The following LRP5 variants were observed in gnomAD, a reference collection of about 807,000 sequenced individuals.
LRP5 encodes LDL receptor related protein 5.
In LRP5, 62 loss-of-function variants were observed where a neutral mutation model predicts 154.1. The ratio of observed to expected loss-of-function variants is 0.40; its 90% CI spans 0.33 to 0.50. The LOEUF (loss-of-function observed/expected upper bound fraction) is 0.50. Ranked by LOEUF, LRP5 falls within the 20% of genes least tolerant of loss-of-function variation. LRP5 has a pLI of 0.55. For missense variants in LRP5, 1,915 were observed against 2,336.7 expected (o/e 0.82, Z 3.72); for synonymous variants, 966 against 1,011.5 (o/e 0.96, Z 0.85).
intron 5 of LRP5, among the ~76,000 whole-genome samples, chr11:68,375,541 C>T (rs554856714): frequency 6.6e-5 from 10 of 152,320 alleles, no homozygotes; most frequent in Admixed American, 2.6e-4. Flanking sequence ...CTCCTGCACA[C>T]GGCTCCTCCG....
chr11:68,319,777 A>G (rs554705977), intron 1 of LRP5, among the ~76,000 whole-genome samples: 1 of 152,266 alleles, frequency 6.6e-6, no homozygotes, highest in Admixed American at 6.5e-5. Context: ...TGCTATTACA[A>G]AGCATGCTTG....
chr11:68,440,877 C>T (rs1785493), intron 21 of LRP5, among the ~76,000 whole-genome samples: 60,126 of 151,900 alleles, frequency 0.4, 13,181 homozygotes, highest in African/African-American at 0.58. Context: ...CAAGCAGTTC[C>T]CCTGCCTCAG....
In LRP5 at chr11:68,447,530, G is replaced by T. The variant is rs981998215; in HGVS notation, c.4586+997G>T. 1.6e-4 allele frequency among the ~76,000 whole-genome samples: 25 copies of T among 152,158 alleles called. No homozygotes were observed. Among genetic ancestry groups the T allele is most frequent in the Non-Finnish European group, 8.8e-5 (6 of 68,030 alleles). On this transcript the variant is annotated intron_variant, in intron 22 of 22. Coordinates refer to ENST00000294304, the MANE Select transcript of LRP5 (RefSeq NM_002335.4). The surrounding 1 kb of genome is among the most constrained non-coding windows in gnomAD (Gnocchi z 4.3). ...TCAAACTGTCACAGTCTGTCCCACA[G>T]CCTTACAGACCACTGTCTCCAGAAT...
chr11:68,446,603 C>A, intron 22 of LRP5, 70 bp downstream of exon 22: 1 of 1,319,832 alleles, frequency 7.6e-7, no homozygotes, highest in Admixed American at 1.7e-5. Context: ...GGCCTAATCC[C>A]CATGCCACTG....
chr11:68,433,744 G>T lies in LRP5; in HGVS notation c.3906G>T (p.Gln1302His), dbSNP rs780929844. The change falls in exon 18 of 23, where the codon CAG (glutamine) becomes CAT (histidine). Residue 1302 changes from glutamine (Q) to histidine (H), a missense_variant. This residue lies in a region of LRP5 where 1,094 missense variants were observed against 1,210.1 expected (regional missense o/e 0.90). Coordinates refer to ENST00000294304, the MANE Select transcript of LRP5 (RefSeq NM_002335.4). Reference sequence around the variant, plus strand: ...GCTGCCCCGTGTGCTCCGCCGCCCAGTTCCCCTGCGCGCGGGGTCAGTGTG... The same window carrying T: ...GCTGCCCCGTGTGCTCCGCCGCCCATTTCCCCTGCGCGCGGGGTCAGTGTG... ...EEGCPVCSAA[Q>H]FPCARGQCVD... 6.2e-7 allele frequency: 1 copy of T among 1,612,766 alleles called. No homozygotes were observed.
chr11:68,359,246 A>T (rs115251196), intron 3 of LRP5, among the ~76,000 whole-genome samples: 2,354 of 152,276 alleles, frequency 0.015, 61 homozygotes, highest in African/African-American at 0.053. Flanking sequence ...GGTTTGAGTG[A>T]GGCCGGGACA....
chr11:68,399,194 C>T (rs2098651254), intron 7 of LRP5, among the ~76,000 whole-genome samples: 1 of 151,940 alleles, frequency 6.6e-6, no homozygotes, highest in African/African-American at 2.4e-5. Flanking sequence ...AGAGCAAGAA[C>T]CTATCTCTTA....
intron 13 of LRP5, among the ~76,000 whole-genome samples, chr11:68,419,169 A>G (rs918237891): frequency 2.0e-5 from 3 of 152,044 alleles, no homozygotes; most frequent in African/African-American, 7.3e-5. Context: ...TTTGTTTTCT[A>G]TTAATTGTTT....
chr11:68,317,178 C>G (rs1470931946), intron 1 of LRP5, among the ~76,000 whole-genome samples: 2 of 152,236 alleles, frequency 1.3e-5, no homozygotes, highest in Admixed American at 6.5e-5. Flanking sequence ...TCCGGCTGCT[C>G]TCTGCATTCT....
intron 7 of LRP5, among the ~76,000 whole-genome samples, chr11:68,399,157 A>G (rs2098651227): frequency 6.6e-6 from 1 of 151,984 alleles, no homozygotes; most frequent in Non-Finnish European, 1.5e-5. Context: ...AACTATGATC[A>G]TGTCATTGCA....
intron 5 of LRP5, among the ~76,000 whole-genome samples, chr11:68,368,482 TA>T (rs2098632311): frequency 6.6e-6 from 1 of 152,258 alleles, no homozygotes; most frequent in Non-Finnish European, 1.5e-5. Flanking sequence ...GTGACCTGTG[TA>T]GTCATATGAG....
At position 68,315,760 on chromosome 11, in the gene LRP5, C is replaced by T. The variant is rs371791139; in HGVS notation, c.91+2955C>T. ...TTGCAGCTATGCAGAGGTGGGCCCA[C>T]GGGTGCTCCTTCACCCTCGGGGTGT... is the stretch of plus-strand genomic sequence containing the variant. On this transcript the variant is annotated intron_variant, in intron 1 of 22. Transcript: ENST00000294304. 9.8e-5 allele frequency among the ~76,000 whole-genome samples: 15 copies of T among 152,302 alleles called. 1 individual carries two copies. In the East Asian group the frequency reaches 2.1e-3, roughly 22 times the overall value.
chr11:68,426,208 G>T (rs1353466412), intron 16 of LRP5, 21 bp downstream of exon 16: 1 of 1,600,186 alleles, frequency 6.2e-7, no homozygotes, highest in Admixed American at 1.7e-5. Flanking sequence ...GCTGGCAGTG[G>T]GGTGGGCAGG....
At chr11:68,441,999 G>T (rs907490765) in intron 21 of LRP5, among the ~76,000 whole-genome samples, 1 of 152,222 alleles carries the variant, frequency 6.6e-6, no homozygotes, top group African/African-American at 2.4e-5. Flanking sequence ...CCCCCATGAC[G>T]CCAAGCAGGA....
At chr11:68,401,629 G>A (rs1591282149) in intron 7 of LRP5, among the ~76,000 whole-genome samples, 1 of 152,176 alleles carries the variant, frequency 6.6e-6, no homozygotes, top group Admixed American at 6.5e-5. Context: ...CCCCTTGGGG[G>A]CAGAGCTGAG....
chr11:68,406,776 C>T lies in LRP5; in HGVS notation c.2054C>T (p.Ser685Phe). ...GCCTCAGCCCTGGACTTTGATGTGT[C>T]CAACAACCACATCTACTGGACAGAC... is the stretch of plus-strand genomic sequence containing the variant. ...KEASALDFDVSNNHIYWTDVS... is the reference protein window; with the variant it reads ...KEASALDFDVFNNHIYWTDVS... The change falls in exon 9 of 23, where the codon TCC becomes TTC. Residue 685 changes from serine (S) to phenylalanine (F), a missense_variant. Ser to Phe is a radical substitution (Grantham distance 155). Around this residue, in one of 3 missense-constraint regions of LRP5, gnomAD observed 773 missense variants for 1,100.9 expected, o/e 0.70. Coordinates refer to ENST00000294304, the MANE Select transcript of LRP5 (RefSeq NM_002335.4). The T allele has an allele frequency of 6.2e-7, 1 of 1,614,074 alleles. No individual in the cohort carries two copies. The highest frequency in any genetic ancestry group is 8.5e-7 in the Non-Finnish European group (1 of 1,180,026).
At chr11:68,328,852 G>C (rs73496720) in intron 1 of LRP5, among the ~76,000 whole-genome samples, 4,136 of 152,262 alleles carry the variant, frequency 0.027, 171 homozygotes, top group African/African-American at 0.093. Context: ...CCACCCAAAG[G>C]GTAGCCCAGT....
intron 10 of LRP5, 98 bp from the exon 11 acceptor site, chr11:68,411,338 G>C: frequency 7.4e-7 from 1 of 1,344,338 alleles, no homozygotes; most frequent in Non-Finnish European, 1.0e-6. Flanking sequence ...GGGGAGGGCT[G>C]AGCTGAAGAG....
At position 68,413,959 on chromosome 11, in the gene LRP5, G is replaced by T. The variant is rs373466030; in HGVS notation, c.2774G>T (p.Arg925Leu). ...QLCLAIPGGH[R>L]CGCASHYTLD... ...TGCCTTGCCATCCCCGGCGGCCACC[G>T]CTGCGGCTGCGCCTCACACTACACC... Residue 925 changes from arginine (R) to leucine (L), a missense_variant, in exon 12 of 23, where the codon CGC (arginine) becomes CTC (leucine). By Grantham distance (102) the Arg-to-Leu change is moderately radical. Transcript: ENST00000294304. This position sits in a 1 kb window ranked among gnomAD's most constrained non-coding sequence, Gnocchi z 5.1. 6.8e-6 allele frequency: 11 copies of T among 1,607,536 alleles called. No homozygotes were observed. The Admixed American group carries it at 1.7e-4, about 24-fold the overall frequency.
Sources: gnomAD v4.1 joint callset for allele counts (sites outside exome capture counted in the v4.1 genomes callset) on GRCh38, gnomAD v4.1.1 for gene constraint, gnomAD v4.1.1 regional missense constraint, Gnocchi (gnomAD v3.1) non-coding constraint, MANE v1.5 for transcripts, NCBI Gene and HGNC (gene_info 2026-07-23, HGNC 2026-07-21) for gene names.